Variants in EPN2 observed in about 807,000 individuals in gnomAD.
EPN2 encodes the protein epsin 2.
A neutral mutation model predicts 61.7 loss-of-function variants in EPN2; 34 were observed. That is an observed-to-expected ratio of 0.55 (90% CI 0.42 to 0.73). The LOEUF is 0.73. Ranked by LOEUF, EPN2 falls within the 30% of genes least tolerant of loss-of-function variation. The probability of loss-of-function intolerance (pLI) is 0.00; values close to 1 mark genes in which losing one functional copy is unlikely to be tolerated. For synonymous variants in EPN2, 349 were observed against 353.6 expected, an observed-to-expected ratio of 0.99 and a Z score of 0.15; for missense variants, 714 against 839.2, an observed-to-expected ratio of 0.85 and a Z score of 1.84.
At chr17:19,269,752 C>T (rs1290778271) in intron 1 of EPN2, among the ~76,000 whole-genome samples, 2 of 152,188 alleles carry the variant, frequency 1.3e-5, no homozygotes, top group South Asian at 2.1e-4. Flanking sequence ...GGCATCTACA[C>T]GTGGTTGACT....
intron 7 of EPN2, among the ~76,000 whole-genome samples, chr17:19,314,898 G>T (rs1906314012): frequency 6.6e-6 from 1 of 152,230 alleles, no homozygotes; most frequent in South Asian, 2.1e-4. Flanking sequence ...TCTGAAGAAT[G>T]ATTAGTCTGT....
chr17:19,318,003 T>C (rs191994724), intron 7 of EPN2, among the ~76,000 whole-genome samples: 1 of 152,318 alleles, frequency 6.6e-6, no homozygotes, highest in African/African-American at 2.4e-5. Flanking sequence ...CCACGGGACT[T>C]TGTATGTGTC....
intron 1 of EPN2, among the ~76,000 whole-genome samples, chr17:19,255,578 T>C (rs2152205001): frequency 6.7e-6 from 1 of 149,574 alleles, no homozygotes; most frequent in Non-Finnish European, 1.5e-5. Flanking sequence ...TTTTTTTTTT[T>C]TTTTAAGTGC....
intron 4 of EPN2, 68 bp from the exon 5 acceptor site, chr17:19,309,817 G>A: frequency 7.7e-7 from 1 of 1,297,230 alleles, no homozygotes; most frequent in Non-Finnish European, 1.1e-6. Flanking sequence ...GGTCTGCCCA[G>A]GAAACTGCTG....
intron 1 of EPN2, among the ~76,000 whole-genome samples, chr17:19,278,304 A>T (rs554204945): frequency 1.5e-4 from 23 of 152,088 alleles, no homozygotes; most frequent in Non-Finnish European, 2.9e-4. Context: ...CTGTTTTCAC[A>T]CTACTGATAA....
In EPN2 at chr17:19,329,559, A is replaced by G. The variant is rs1335362312; in HGVS notation, c.1325-2A>G. ...CAGTCATTGGCTTCTGTGTCCACCC[A>G]GGGTCCTTTGAGCTCTTCAGTAATC... On this transcript the variant is annotated splice_acceptor_variant, in intron 8 of 10. Transcript: ENST00000314728. LOFTEE classifies it high-confidence loss of function. 6.2e-7 allele frequency: 1 copy of G among 1,605,748 alleles called. No individual in the cohort carries two copies. The highest frequency in any genetic ancestry group is 1.3e-5 in the African/African-American group (1 of 74,708).
At chr17:19,251,462 G>C (rs1276584751) in intron 1 of EPN2, among the ~76,000 whole-genome samples, 1 of 151,902 alleles carries the variant, frequency 6.6e-6, no homozygotes, top group African/African-American at 2.4e-5. Context: ...CCAGCTTGTA[G>C]TTGAATTTTT....
In EPN2 at chr17:19,329,576, T is replaced by C. The variant is rs1382756222; in HGVS notation, c.1340T>C (p.Phe447Ser). 3 of 1,612,464 alleles carry C rather than the reference T, an allele frequency of 1.9e-6. No individual in the cohort carries two copies. Among genetic ancestry groups the C allele is most frequent in the Non-Finnish European group, 2.5e-6 (3 of 1,178,926 alleles). ...PVSVSGSFELFSNLNGTIKDD... is the reference protein window; with the variant it reads ...PVSVSGSFELSSNLNGTIKDD... ...GTCCACCCAGGGTCCTTTGAGCTCT[T>C]CAGTAATCTGAATGGTACAATTAAA... Residue 447 changes from phenylalanine to serine, a missense_variant, in exon 9 of 11, where the codon TTC (phenylalanine) becomes TCC (serine). Phe to Ser is a radical substitution (Grantham distance 155, BLOSUM62 -2). Transcript: ENST00000314728.
intron 1 of EPN2, among the ~76,000 whole-genome samples, chr17:19,241,845 T>C (rs957929176): frequency 6.6e-6 from 1 of 152,166 alleles, no homozygotes; most frequent in Admixed American, 6.5e-5. Context: ...TGTGAGGAAC[T>C]GGCACAGCCA....
intron 6 of EPN2, 125 bp downstream of exon 6, chr17:19,312,269 C>T (rs1459148287): frequency 1.4e-6 from 1 of 719,044 alleles, no homozygotes; most frequent in Admixed American, 2.1e-5. Flanking sequence ...AAATAACCTT[C>T]ATGCCTGTAG....
intron 7 of EPN2, among the ~76,000 whole-genome samples, chr17:19,316,102 A>G (rs771317742): frequency 5.9e-5 from 9 of 152,212 alleles, no homozygotes; most frequent in South Asian, 2.1e-4. Context: ...ATTCCATTGC[A>G]TGGATATACA....
intron 4 of EPN2, among the ~76,000 whole-genome samples, chr17:19,295,057 A>G (rs1359894049): frequency 6.6e-6 from 1 of 152,082 alleles, no homozygotes; most frequent in Non-Finnish European, 1.5e-5. Flanking sequence ...TCTCTGTATC[A>G]TATCCTTTTT....
intron 1 of EPN2, among the ~76,000 whole-genome samples, chr17:19,244,365 A>G (rs2044921333): frequency 6.6e-6 from 1 of 152,122 alleles, no homozygotes; most frequent in Non-Finnish European, 1.5e-5. Flanking sequence ...AGGCTGAGGC[A>G]CGAGAATTGC....
At chr17:19,245,043 C>T (rs2044929744) in intron 1 of EPN2, among the ~76,000 whole-genome samples, 1 of 152,208 alleles carries the variant, frequency 6.6e-6, no homozygotes, top group Non-Finnish European at 1.5e-5. Flanking sequence ...CAAGCTTGGT[C>T]ATGGGCACCT....
At chr17:19,276,121 G>C (rs1187657843) in intron 1 of EPN2, among the ~76,000 whole-genome samples, 1 of 152,188 alleles carries the variant, frequency 6.6e-6, no homozygotes, top group Admixed American at 6.5e-5. Flanking sequence ...AGGTGTGGCT[G>C]GTGGGGTGGT....
At position 19,285,633 on chromosome 17, in the gene EPN2, G is replaced by A. The variant is rs766811292; in HGVS notation, c.609G>A (p.Ser203=). ...PASYHGSPEA[S]LCPQHRTGAP... ...CCTGCCCCACAGCGCCTGAGGCCTCGCTGTGCCCCCAGCACCGCACAGGGG... is the reference window on the plus strand; with the variant it reads ...CCTGCCCCACAGCGCCTGAGGCCTCACTGTGCCCCCAGCACCGCACAGGGG... Residue 203 remains serine (S), a synonymous_variant, in exon 4 of 11, where the codon TCG becomes TCA. Transcript: ENST00000314728. This position sits in a 1 kb window ranked among gnomAD's most constrained non-coding sequence, Gnocchi z 4.5. The A allele has an allele frequency of 1.9e-6, 3 of 1,551,818 alleles. No homozygotes were observed. The highest frequency in any genetic ancestry group is 2.6e-6 in the Non-Finnish European group (3 of 1,148,248).
At chr17:19,317,782 C>A (rs1906457456) in intron 7 of EPN2, among the ~76,000 whole-genome samples, 1 of 152,206 alleles carries the variant, frequency 6.6e-6, no homozygotes, top group Non-Finnish European at 1.5e-5. Flanking sequence ...AGAGAGAAGC[C>A]TTGCAGCGGA....
In EPN2 at chr17:19,313,172, C is replaced by A. The variant is rs545258288; in HGVS notation, c.1040C>A (p.Ala347Glu). 6.2e-7 allele frequency: 1 copy of A among 1,613,618 alleles called. No homozygotes were observed. Among genetic ancestry groups the A allele is most frequent in the Non-Finnish European group, 8.5e-7 (1 of 1,179,750 alleles). ...GATGCTCTCCCCAGCTCGGGCCCCGCGGCCCAGAAAGCAGAGCCCTGGGGC... is the reference window on the plus strand; with the variant it reads ...GATGCTCTCCCCAGCTCGGGCCCCGAGGCCCAGAAAGCAGAGCCCTGGGGC... ...LMDALPSSGP[A>E]AQKAEPWGPS... The change falls in exon 7 of 11, where the codon GCG becomes GAG. Residue 347 changes from alanine (A) to glutamate (E), a missense_variant. Physicochemically the swap from Ala to Glu is moderately radical, Grantham distance 107. Transcript: ENST00000314728.
intron 1 of EPN2, among the ~76,000 whole-genome samples, chr17:19,261,304 A>G (rs2045139435): frequency 6.6e-6 from 1 of 152,210 alleles, no homozygotes; most frequent in Admixed American, 6.5e-5. Flanking sequence ...ACTTGTAAAT[A>G]ATATCTCAGT....
Sources: gnomAD v4.1 joint callset for allele counts (sites outside exome capture counted in the v4.1 genomes callset) on GRCh38, gnomAD v4.1.1 for gene constraint, Gnocchi (gnomAD v3.1) non-coding constraint, MANE v1.5 for transcripts, NCBI Gene and HGNC (gene_info 2026-07-23, HGNC 2026-07-21) for gene names.